LRBA: variants seen among roughly 807,000 people sequenced by gnomAD.
The protein encoded by LRBA is LPS responsive beige-like anchor protein, also known as lipopolysaccharide-responsive and beige-like anchor protein.
Under a neutral mutation model 330.0 loss-of-function variants are expected in LRBA, and 176 were observed. The ratio of observed to expected loss-of-function variants is 0.53; its 90% CI spans 0.47 to 0.60. The LOEUF is 0.60. Ranked by LOEUF, LRBA falls within the 20% of genes least tolerant of loss-of-function variation. The probability of loss-of-function intolerance (pLI) is 0.00; values close to 1 mark genes in which losing one functional copy is unlikely to be tolerated. For missense variants in LRBA, 3,259 were observed against 3,444.8 expected (o/e 0.95, Z 1.35); for synonymous variants, 1,230 against 1,193.0 (o/e 1.03, Z -0.64).
At chr4:150,861,722 C>A (rs1390089115) in intron 22 of LRBA, among the ~76,000 whole-genome samples, 1 of 152,158 alleles carries the variant, frequency 6.6e-6, no homozygotes, top group African/African-American at 2.4e-5. Context: ...CCTCAGCTTA[C>A]TGTAACATTT....
chr4:150,898,877 A>G (rs1389223388), intron 14 of LRBA, among the ~76,000 whole-genome samples: 1 of 152,168 alleles, frequency 6.6e-6, no homozygotes, highest in Non-Finnish European at 1.5e-5. Context: ...AAAAGTTCAT[A>G]GCTTGCTAAA....
chr4:150,656,687 T>TA (rs1780219218), intron 37 of LRBA, among the ~76,000 whole-genome samples: 1 of 152,188 alleles, frequency 6.6e-6, no homozygotes, highest in African/African-American at 2.4e-5. Context: ...TATTACTAAA[T>TA]AAATGTTTAT....
At chr4:150,980,987 AT>A (rs750688362) in intron 2 of LRBA, among the ~76,000 whole-genome samples, 1 of 152,182 alleles carries the variant, frequency 6.6e-6, no homozygotes, top group Admixed American at 6.5e-5. Context: ...ACACCAAAAA[AT>A]GGAAAGATAT....
chr4:150,651,649 T>C (rs1779719889), intron 37 of LRBA, among the ~76,000 whole-genome samples: 2 of 151,630 alleles, frequency 1.3e-5, no homozygotes, highest in South Asian at 2.1e-4. Context: ...AATAAAGCCA[T>C]CAATAAATAT....
chr4:150,921,341 T>TA (rs751178702), intron 4 of LRBA, 48 bp from the exon 5 acceptor site: 104 of 1,090,384 alleles, frequency 9.5e-5, no homozygotes, highest in African/African-American at 4.1e-4. Context: ...TACCATAAGA[T>TA]AAAAAAAACA....
chr4:150,287,312 G>C (rs1748258943), intron 53 of LRBA, among the ~76,000 whole-genome samples: 1 of 152,208 alleles, frequency 6.6e-6, no homozygotes, highest in African/African-American at 2.4e-5. Context: ...GGCTTCCAAA[G>C]CAAGGGTTCT....
chr4:150,846,001 C>T (rs1039070878), intron 26 of LRBA, among the ~76,000 whole-genome samples: 21 of 152,136 alleles, frequency 1.4e-4, no homozygotes, highest in African/African-American at 5.1e-4. Flanking sequence ...AATGAGGACA[C>T]CAGTGTCCAT....
intron 37 of LRBA, among the ~76,000 whole-genome samples, chr4:150,628,834 G>A (rs1317204639): frequency 6.6e-6 from 1 of 152,062 alleles, no homozygotes; most frequent in Non-Finnish European, 1.5e-5. Flanking sequence ...TATCATGTTG[G>A]CTAATCAACA....
At chr4:150,536,262 GAC>G (rs1764646016) in intron 40 of LRBA, among the ~76,000 whole-genome samples, 3 of 152,082 alleles carry the variant, frequency 2.0e-5, no homozygotes, top group African/African-American at 2.4e-5. Context: ...GGAGAAAGAG[GAC>G]ACATTTAAAT....
chr4:150,833,461 T>C (rs1747509514), intron 28 of LRBA, among the ~76,000 whole-genome samples: 1 of 152,120 alleles, frequency 6.6e-6, no homozygotes, highest in African/African-American at 2.4e-5. Flanking sequence ...ACAGGTTTAG[T>C]TCCGGACCAC....
At chr4:150,959,446 A>T (rs1737895601) in intron 2 of LRBA, among the ~76,000 whole-genome samples, 1 of 149,330 alleles carries the variant, frequency 6.7e-6, no homozygotes, top group African/African-American at 2.6e-5. Flanking sequence ...AGCCTGAAAT[A>T]TCTTGCCATA....
intron 9 of LRBA, among the ~76,000 whole-genome samples, chr4:150,912,572 T>G (rs1732129126): frequency 6.6e-6 from 1 of 152,182 alleles, no homozygotes; most frequent in Non-Finnish European, 1.5e-5. Context: ...GCACAATAAA[T>G]GTAATGCACT....
chr4:150,703,854 C>CA (rs571572640), intron 36 of LRBA, among the ~76,000 whole-genome samples: 1,375 of 136,860 alleles, frequency 0.01, 11 homozygotes, highest in African/African-American at 0.033. Context: ...TCCATTAGCC[C>CA]AAAAAAAAAA....
intron 2 of LRBA, among the ~76,000 whole-genome samples, chr4:150,949,892 AAT>A (rs1396126247): frequency 9.9e-5 from 15 of 152,122 alleles, no homozygotes; most frequent in Non-Finnish European, 7.4e-5. Flanking sequence ...CACCTGAAAA[AAT>A]GTTTGCCATA....
chr4:150,296,871 G>A (rs1283446362), intron 53 of LRBA, among the ~76,000 whole-genome samples: 1 of 152,064 alleles, frequency 6.6e-6, no homozygotes, highest in Non-Finnish European at 1.5e-5. Context: ...TGTATCCTTG[G>A]TAGTTCTACC....
Position 150,807,390 on chromosome 4 carries a change from A to G in LRBA, c.5384+930T>C, listed in dbSNP as rs114470842. ...GTTATCCCTGAAGAGTATCACAAATACTAGCTATACTCGAAGCACTCAAGT... is the reference window on the plus strand; with the variant it reads ...GTTATCCCTGAAGAGTATCACAAATGCTAGCTATACTCGAAGCACTCAAGT... On this transcript the variant is annotated intron_variant, in intron 32 of 56. Transcript: ENST00000651943. 2.7e-3 allele frequency among the ~76,000 whole-genome samples: 409 copies of G among 152,288 alleles called. 4 individuals are homozygous for G. The highest frequency in any genetic ancestry group is 3.0e-3 in the Non-Finnish European group (207 of 68,020).
chr4:150,728,007 T>G (rs1027452712), intron 36 of LRBA, among the ~76,000 whole-genome samples: 2 of 151,918 alleles, frequency 1.3e-5, no homozygotes, highest in Non-Finnish European at 2.9e-5. Context: ...ACAAATGATA[T>G]CAGATATGAA....
intron 47 of LRBA, among the ~76,000 whole-genome samples, chr4:150,375,551 G>C (rs189093697): frequency 6.6e-6 from 1 of 151,516 alleles, no homozygotes; most frequent in African/African-American, 2.4e-5. Flanking sequence ...TCCGCCTCCC[G>C]AGTTCAAGTG....
chr4:150,435,475 T>C, intron 46 of LRBA, 114 bp downstream of exon 46: 2 of 912,048 alleles, frequency 2.2e-6, no homozygotes, highest in Non-Finnish European at 3.3e-6. Flanking sequence ...AGGACTTATC[T>C]TCTGAGATTT....
Sources: gnomAD v4.1 joint callset for allele counts (sites outside exome capture counted in the v4.1 genomes callset) on GRCh38, gnomAD v4.1.1 for gene constraint, MANE v1.5 for transcripts, NCBI Gene and HGNC (gene_info 2026-07-23, HGNC 2026-07-21) for gene names.